NFIX: variants seen among roughly 807,000 people sequenced by gnomAD.
NFIX encodes the protein nuclear factor I X.
A neutral mutation model predicts 53.3 loss-of-function variants in NFIX; 2 were observed. The ratio of observed to expected loss-of-function variants is 0.04; its 90% CI spans 0.02 to 0.12. The LOEUF (loss-of-function observed/expected upper bound fraction) is 0.12, where lower values mean the gene tolerates loss of function less well. Among genes scored for constraint, NFIX ranks in the 10% least tolerant of loss-of-function variants. The probability of loss-of-function intolerance (pLI) is 1.00; values close to 1 mark genes in which losing one functional copy is unlikely to be tolerated. For synonymous variants in NFIX, 244 were observed against 289.0 expected (o/e 0.84, Z 1.58); for missense variants, 310 against 674.5 (o/e 0.46, Z 5.99).
chr19:13,080,013 A>AGAT (rs1234905108), intron 7 of NFIX, among the ~76,000 whole-genome samples: 1 of 152,202 alleles, frequency 6.6e-6, no homozygotes, highest in East Asian at 1.9e-4. Flanking sequence ...CATCCTGAGC[A>AGAT]GATGCTGGCT....
Position 13,011,753 on chromosome 19 carries a change from C to T in NFIX, c.28-13268C>T, listed in dbSNP as rs1417844030. Reference sequence around the variant, plus strand: ...TGCCTGTACGTACCCTACCTGAGACCGCCCCTCCGCCAAGTGCGCCCCTCG... The same window carrying T: ...TGCCTGTACGTACCCTACCTGAGACTGCCCCTCCGCCAAGTGCGCCCCTCG... On this transcript the variant is annotated intron_variant, in intron 1 of 10. Coordinates refer to ENST00000592199, the MANE Select transcript of NFIX (RefSeq NM_001365902.3). The surrounding 1 kb of genome is among the most constrained non-coding windows in gnomAD (Gnocchi z 6.5). Among the ~76,000 whole-genome samples the T allele has an allele frequency of 6.6e-6, 1 of 152,160 alleles. No individual in the cohort carries two copies. The highest frequency in any genetic ancestry group is 1.5e-5 in the Non-Finnish European group (1 of 68,010).
chr19:13,023,567 G>C (rs1395099386), intron 1 of NFIX, among the ~76,000 whole-genome samples: 2 of 151,156 alleles, frequency 1.3e-5, no homozygotes, highest in African/African-American at 4.9e-5. Context: ...GGGGTGGGGT[G>C]CGTTGTTGGT....
chr19:13,094,834 G>T lies in NFIX; in HGVS notation c.*185G>T. 1 of 614,796 alleles carries T rather than the reference G, an allele frequency of 1.6e-6. No homozygotes were observed. The highest frequency in any genetic ancestry group is 2.0e-5 in the South Asian group (1 of 49,888). The allele number at this position is 614,796 out of a possible 1,614,324, so 38.1% of individuals were successfully genotyped here. On this transcript the variant is annotated 3_prime_UTR_variant, in exon 11 of 11. Coordinates refer to ENST00000592199, the MANE Select transcript of NFIX (RefSeq NM_001365902.3). The surrounding 1 kb of genome is among the most constrained non-coding windows in gnomAD (Gnocchi z 4.3). ...GGGACCCCCGCGGGCCCCAGAAGCAGCCCAGTTCTCAGAGAGCCCTTGGAA... is the reference window on the plus strand; with the variant it reads ...GGGACCCCCGCGGGCCCCAGAAGCATCCCAGTTCTCAGAGAGCCCTTGGAA...
intron 2 of NFIX, among the ~76,000 whole-genome samples, chr19:13,026,083 A>T (rs2013321937): frequency 6.6e-6 from 1 of 152,194 alleles, no homozygotes; most frequent in South Asian, 2.1e-4. Context: ...CTGAATGAAC[A>T]GAAAAGAGGA....
rs952377247 is a variant in NFIX at position 13,012,418 on chromosome 19, G to A, written c.28-12603G>A. Among the ~76,000 whole-genome samples, 2 of 152,188 alleles carry A rather than the reference G, an allele frequency of 1.3e-5. No homozygotes were observed. On this transcript the variant is annotated intron_variant, in intron 1 of 10. Transcript: ENST00000592199. The surrounding 1 kb of genome is among the most constrained non-coding windows in gnomAD (Gnocchi z 5.0). The stretch of plus-strand genomic sequence containing the variant: ...TGCTCAAGCGCGGCTCCCTCTTGCC[G>A]GGGCGCGGCCTGCCCCTCACAGTGA...
chr19:13,082,228 T>A, intron 8 of NFIX: 1 of 246,426 alleles, frequency 4.1e-6, no homozygotes, highest in Non-Finnish European at 7.9e-6. Context: ...TTTGCTAGAT[T>A]CTAGACCAGG....
Position 13,073,153 on chromosome 19 carries a change from C to T in NFIX, c.622+44C>T. Reference sequence around the variant, plus strand: ...CCCAGCTGCCCTTATCCTTCATGCCCCTCCACTTCCTTCCCCCACCCTGGC... The same window carrying T: ...CCCAGCTGCCCTTATCCTTCATGCCTCTCCACTTCCTTCCCCCACCCTGGC... On this transcript the variant is annotated intron_variant, in intron 3 of 10. Coordinates refer to ENST00000592199, the MANE Select transcript of NFIX (RefSeq NM_001365902.3). The surrounding 1 kb of genome is among the most constrained non-coding windows in gnomAD (Gnocchi z 4.5). The T allele has an allele frequency of 1.3e-6, 2 of 1,585,046 alleles. No individual in the cohort carries two copies. The highest frequency in any genetic ancestry group is 1.1e-5 in the South Asian group (1 of 90,528).
At chr19:13,085,728 G>A (rs1036714649) in intron 8 of NFIX, among the ~76,000 whole-genome samples, 1 of 152,182 alleles carries the variant, frequency 6.6e-6, no homozygotes, top group Non-Finnish European at 1.5e-5. Flanking sequence ...CCATTTAGAG[G>A]GACAGTGTGT....
chr19:13,006,931 C>T lies in NFIX; in HGVS notation c.27+11067C>T, dbSNP rs892195106. 7.2e-5 allele frequency among the ~76,000 whole-genome samples: 11 copies of T among 152,214 alleles called. No individual in the cohort carries two copies. The highest frequency in any genetic ancestry group is 2.2e-4 in the African/African-American group (9 of 41,450). On this transcript the variant is annotated intron_variant, in intron 1 of 10. Coordinates refer to ENST00000592199, the MANE Select transcript of NFIX (RefSeq NM_001365902.3). The surrounding 1 kb of genome is among the most constrained non-coding windows in gnomAD (Gnocchi z 5.6). ...CGGCTGCTGCTGCCAGTCTCCATTT[C>T]GAAGCTTGAGGTGGGGGTGGGGAAG...
intron 1 of NFIX, among the ~76,000 whole-genome samples, chr19:13,023,269 C>G (rs898374858): frequency 1.3e-5 from 2 of 151,882 alleles, no homozygotes; most frequent in Non-Finnish European, 2.9e-5. Context: ...CACACACACG[C>G]CCCATCCCAT....
Position 13,024,681 on chromosome 19 carries a change from G to A in NFIX, c.28-340G>A, listed in dbSNP as rs904233223. The A allele has an allele frequency of 1.5e-5, 23 of 1,535,750 alleles. 1 individual carries two copies. The East Asian group carries it at 5.6e-4, about 38-fold the overall frequency. ...AGAGCCTGGCGGGGATACCAGCAGC[G>A]TGTGTGTGTGGACGGCAACGTTGTC... On this transcript the variant is annotated intron_variant, in intron 1 of 10. Coordinates refer to ENST00000592199, the MANE Select transcript of NFIX (RefSeq NM_001365902.3).
At chr19:13,074,139 C>G (rs2016932405) in intron 5 of NFIX, 113 bp downstream of exon 5, 2 of 1,370,234 alleles carry the variant, frequency 1.5e-6, no homozygotes, top group East Asian at 4.6e-5. Context: ...CAGAATGTCA[C>G]CTCTCTCATT....
chr19:13,056,004 G>T (rs922042470), intron 2 of NFIX, among the ~76,000 whole-genome samples: 4 of 152,234 alleles, frequency 2.6e-5, no homozygotes, highest in African/African-American at 9.6e-5. Context: ...GGGGAGGCCT[G>T]TGGGGTGCGG....
chr19:13,054,982 A>G (rs1057192953), intron 2 of NFIX, among the ~76,000 whole-genome samples: 1 of 152,096 alleles, frequency 6.6e-6, no homozygotes, highest in Non-Finnish European at 1.5e-5. Flanking sequence ...AGCTTTTTAC[A>G]AGCTGGCGGC....
intron 8 of NFIX, among the ~76,000 whole-genome samples, chr19:13,086,436 A>G (rs1339304999): frequency 6.6e-6 from 1 of 152,208 alleles, no homozygotes; most frequent in Non-Finnish European, 1.5e-5. Context: ...CTTAGGATAA[A>G]CCATTTAATG....
intron 1 of NFIX, chr19:13,024,040 T>G: frequency 6.7e-7 from 1 of 1,487,800 alleles, no homozygotes; most frequent in Non-Finnish European, 9.0e-7. Context: ...CAATGGTAAT[T>G]ATTTAATTTT....
At chr19:13,082,100 A>G in intron 8 of NFIX, 2 of 533,426 alleles carry the variant, frequency 3.7e-6, no homozygotes, top group Non-Finnish European at 3.3e-6. Flanking sequence ...TTGCTCAGTC[A>G]GGCTCCTTGC....
chr19:13,068,492 G>A lies in NFIX; in HGVS notation c.560-4555G>A, dbSNP rs538665045. Among the ~76,000 whole-genome samples, 1 of 152,350 alleles carries A rather than the reference G, an allele frequency of 6.6e-6. No individual in the cohort carries two copies. The highest frequency in any genetic ancestry group is 1.9e-4 in the East Asian group (1 of 5,186). ...GGAGAACTTTGTGGCTGTTCCAGAG[G>A]TTACTGAGGGGCCCCCAAGGAAGAG... On this transcript the variant is annotated intron_variant, in intron 2 of 10. Coordinates refer to ENST00000592199, the MANE Select transcript of NFIX (RefSeq NM_001365902.3). This position sits in a 1 kb window ranked among gnomAD's most constrained non-coding sequence, Gnocchi z 4.2.
At position 13,094,019 on chromosome 19, in the gene NFIX, C is replaced by T. The variant is rs1199159336; in HGVS notation, c.1495-616C>T. ...CCCCAGGGAGCCTCAAGTCCTTCCT[C>T]AATGTCTGGTGCCCTGAGGGTAGAG... is the stretch of plus-strand genomic sequence containing the variant. On this transcript the variant is annotated intron_variant, in intron 10 of 10. Transcript: ENST00000592199. This position sits in a 1 kb window ranked among gnomAD's most constrained non-coding sequence, Gnocchi z 4.3. 1.3e-5 allele frequency among the ~76,000 whole-genome samples: 2 copies of T among 152,128 alleles called. No homozygotes were observed. Among genetic ancestry groups the T allele is most frequent in the Non-Finnish European group, 2.9e-5 (2 of 68,012 alleles).
Sources: gnomAD v4.1 joint callset for allele counts (sites outside exome capture counted in the v4.1 genomes callset) on GRCh38, gnomAD v4.1.1 for gene constraint, Gnocchi (gnomAD v3.1) non-coding constraint, MANE v1.5 for transcripts, NCBI Gene and HGNC (gene_info 2026-07-23, HGNC 2026-07-21) for gene names.